SYT16: variants seen among roughly 807,000 people sequenced by gnomAD.
SYT16 encodes the protein synaptotagmin 16.
In SYT16, 42 loss-of-function variants were observed where a neutral mutation model predicts 61.4. That is an observed-to-expected ratio of 0.68 (90% confidence interval 0.53 to 0.89). SYT16 has a LOEUF of 0.89. Ranked by LOEUF, SYT16 falls within the 40% of genes least tolerant of loss-of-function variation. The pLI is 0.00. For synonymous variants in SYT16, 314 were observed against 302.3 expected (o/e 1.04, Z -0.40); for missense variants, 804 against 807.3 (o/e 1.00, Z 0.05).
intron 1 of SYT16, among the ~76,000 whole-genome samples, chr14:61,823,593 AAAAG>A (rs1320453005): frequency 3.7e-4 from 56 of 151,346 alleles, no homozygotes; most frequent in African/African-American, 1.3e-3. Context: ...AAAAAAAAAA[AAAAG>A]AAGAATTAGC....
chr14:61,960,090 C>T (rs1488415888), intron 1 of SYT16, among the ~76,000 whole-genome samples: 4 of 152,172 alleles, frequency 2.6e-5, no homozygotes, highest in African/African-American at 9.7e-5. Flanking sequence ...CTTCAGCTTC[C>T]TTAACTCAGT....
rs1470175525 is a variant in SYT16 at position 62,105,539 on chromosome 14, T to C, written c.*4832T>C. 1 of 152,234 alleles carries C rather than the reference T, an allele frequency of 6.6e-6. No individual in the cohort carries two copies. Among genetic ancestry groups the C allele is most frequent in the Admixed American group, 6.5e-5 (1 of 15,280 alleles). 9.4% of individuals were successfully genotyped at this position (152,234 alleles called of 1,614,324 possible). A position where few individuals can be genotyped will look rare whatever the true frequency, so the allele number is the denominator to read the frequency against. ...TCCTGCTCAGAACAAATTATCACTG[T>C]TTCCCTTATGAGATCCTAATGAAAG... On this transcript the variant is annotated 3_prime_UTR_variant, in exon 8 of 8. Coordinates refer to ENST00000683842, the MANE Select transcript of SYT16 (RefSeq NM_001367656.1).
chr14:61,871,120 G>T (rs1240604393), intron 1 of SYT16, among the ~76,000 whole-genome samples: 1 of 152,150 alleles, frequency 6.6e-6, no homozygotes, highest in Non-Finnish European at 1.5e-5. Flanking sequence ...AACCTTTTTA[G>T]ATGGGTATAA....
At chr14:62,028,300 C>G (rs975569144) in intron 3 of SYT16, among the ~76,000 whole-genome samples, 4 of 152,198 alleles carry the variant, frequency 2.6e-5, no homozygotes, top group Non-Finnish European at 5.9e-5. Context: ...TAATCACTAT[C>G]GCTTCCTGAA....
intron 4 of SYT16, 29 bp downstream of exon 4, chr14:62,069,844 G>T: frequency 1.2e-6 from 2 of 1,607,782 alleles, no homozygotes; most frequent in South Asian, 2.2e-5. Context: ...CCTTTCTTTA[G>T]ACCAGGGATG....
In SYT16 at chr14:62,102,119, G is replaced by C. The variant is rs1292197802; in HGVS notation, c.*1412G>C. 6.6e-6 allele frequency: 1 copy of C among 152,140 alleles called. No individual in the cohort carries two copies. Among genetic ancestry groups the C allele is most frequent in the African/African-American group, 2.4e-5 (1 of 41,442 alleles). 9.4% of individuals were successfully genotyped at this position (152,140 alleles called of 1,614,324 possible). On this transcript the variant is annotated 3_prime_UTR_variant, in exon 8 of 8. Transcript: ENST00000683842. ...TTTTTAGTTTCTATGTTTCATTGTG[G>C]ACTTTTTCCTGTCTGTGGGAAGAGT...
intron 7 of SYT16, among the ~76,000 whole-genome samples, chr14:62,087,722 A>G (rs1323545722): frequency 6.6e-6 from 1 of 152,184 alleles, no homozygotes; most frequent in Non-Finnish European, 1.5e-5. Context: ...TATTTTTTAA[A>G]CTTTTCCTCC....
chr14:61,910,874 TGAG>T (rs935749376), intron 1 of SYT16, among the ~76,000 whole-genome samples: 4 of 152,212 alleles, frequency 2.6e-5, no homozygotes, highest in African/African-American at 9.6e-5. Context: ...CTAGCTCTGA[TGAG>T]GCAAGGTAAT....
At chr14:61,824,787 T>G (rs2045724414) in intron 1 of SYT16, among the ~76,000 whole-genome samples, 1 of 152,202 alleles carries the variant, frequency 6.6e-6, no homozygotes, top group Non-Finnish European at 1.5e-5. Flanking sequence ...CCTAAGACTT[T>G]TAGAGGGTCT....
At chr14:61,932,159 A>G (rs909918449) in intron 1 of SYT16, among the ~76,000 whole-genome samples, 1 of 152,132 alleles carries the variant, frequency 6.6e-6, no homozygotes, top group African/African-American at 2.4e-5. Context: ...TAACCGAGAT[A>G]CCCTCTTACC....
intron 1 of SYT16, among the ~76,000 whole-genome samples, chr14:61,877,502 G>A (rs1056148806): frequency 4.6e-5 from 7 of 152,148 alleles, no homozygotes; most frequent in African/African-American, 1.4e-4. Flanking sequence ...ATTCTGCTTC[G>A]TTAGATCTGA....
rs1173915571 is a variant in SYT16 at position 62,104,460 on chromosome 14, A to G, written c.*3753A>G. The G allele has an allele frequency of 6.6e-6, 1 of 152,214 alleles. No homozygotes were observed. The highest frequency in any genetic ancestry group is 6.5e-5 in the Admixed American group (1 of 15,274). 9.4% of individuals were successfully genotyped at this position (152,214 alleles called of 1,614,324 possible). A position where few individuals can be genotyped will look rare whatever the true frequency, so the allele number is the denominator to read the frequency against. ...GTCTTAAAAATTATTCATTTGGGCA[A>G]AGTCATTTACAACAAAATAAAAAGT... On this transcript the variant is annotated 3_prime_UTR_variant, in exon 8 of 8. Coordinates refer to ENST00000683842, the MANE Select transcript of SYT16 (RefSeq NM_001367656.1).
chr14:61,886,771 A>G (rs1185179229), intron 1 of SYT16, among the ~76,000 whole-genome samples: 2 of 152,168 alleles, frequency 1.3e-5, no homozygotes, highest in Non-Finnish European at 1.5e-5. Context: ...ATGAATCACA[A>G]ATGTTCTTAA....
intron 1 of SYT16, among the ~76,000 whole-genome samples, chr14:61,905,018 A>G (rs771806641): frequency 1.3e-5 from 2 of 151,780 alleles, no homozygotes; most frequent in Non-Finnish European, 2.9e-5. Context: ...CTTCTGTTAC[A>G]GTTGGGGTCA....
intron 1 of SYT16, among the ~76,000 whole-genome samples, chr14:61,912,702 T>C (rs1307157107): frequency 6.6e-6 from 1 of 152,180 alleles, no homozygotes. Context: ...CTCCTGGAAG[T>C]ACTTAAGTTT....
intron 3 of SYT16, among the ~76,000 whole-genome samples, chr14:62,051,233 A>G (rs765046531): frequency 3.7e-4 from 57 of 152,252 alleles, no homozygotes; most frequent in Admixed American, 7.8e-4. Flanking sequence ...CTGTGCTAGC[A>G]ATGAGCGAGG....
intron 1 of SYT16, among the ~76,000 whole-genome samples, chr14:61,861,474 A>G (rs1566633552): frequency 1.3e-5 from 2 of 152,186 alleles, no homozygotes; most frequent in South Asian, 4.2e-4. Context: ...GTGCAGTGCA[A>G]ACATGACTCA....
intron 1 of SYT16, among the ~76,000 whole-genome samples, chr14:61,935,499 G>T (rs115567715): frequency 6.6e-6 from 1 of 152,160 alleles, no homozygotes; most frequent in African/African-American, 2.4e-5. Flanking sequence ...ACCTAACTGG[G>T]GCTTTGTAAC....
At chr14:62,079,283 C>G (rs1892051) in intron 5 of SYT16, 402,416 of 943,014 alleles carry the variant, frequency 0.43, 89,358 homozygotes, top group African/African-American at 0.73. Flanking sequence ...TGCATGCTCA[C>G]AGGAAAGGAT....
Sources: gnomAD v4.1 joint callset for allele counts (sites outside exome capture counted in the v4.1 genomes callset) on GRCh38, gnomAD v4.1.1 for gene constraint, MANE v1.5 for transcripts, NCBI Gene and HGNC (gene_info 2026-07-23, HGNC 2026-07-21) for gene names.